The following COL19A1 variants were observed in gnomAD, a reference collection of about 807,000 sequenced individuals.
COL19A1 encodes collagen alpha-1(XIX) chain.
Under a neutral mutation model 190.2 loss-of-function variants are expected in COL19A1, and 159 were observed. The ratio of observed to expected loss-of-function variants is 0.84; its 90% CI spans 0.73 to 0.95. The LOEUF (loss-of-function observed/expected upper bound fraction) is 0.95, where lower values mean the gene tolerates loss of function less well. Among genes scored for constraint, COL19A1 ranks in the 40% least tolerant of loss-of-function variants. COL19A1 has a pLI of 0.00. For missense variants in COL19A1, 1,418 were observed against 1,431.9 expected (o/e 0.99, Z 0.16); for synonymous variants, 509 against 458.9 (o/e 1.11, Z -1.39).
rs73746878 is a variant in COL19A1 at position 70,152,570 on chromosome 6, A to C, written c.2079+1132A>C. Among the ~76,000 whole-genome samples the C allele has an allele frequency of 9.0e-3, 1,376 of 152,256 alleles. 21 individuals carry two copies. Among genetic ancestry groups the C allele is most frequent in the African/African-American group, 0.032 (1,313 of 41,576 alleles). On this transcript the variant is annotated intron_variant, in intron 31 of 50. Coordinates refer to ENST00000620364, the MANE Select transcript of COL19A1 (RefSeq NM_001858.6). ...CTTATATTTATTGAGTTAAAATTAC[A>C]TGCCACTCAATATGCCACTTTACTT... is the stretch of plus-strand genomic sequence containing the variant.
chr6:70,137,780 A>G, intron 19 of COL19A1, 33 bp downstream of exon 19: 2 of 1,603,668 alleles, frequency 1.2e-6, no homozygotes, highest in Non-Finnish European at 1.7e-6. Flanking sequence ...CAGAGGAAGA[A>G]TATCTAAAAA....
At chr6:70,178,330 C>T (rs979594409) in intron 42 of COL19A1, among the ~76,000 whole-genome samples, 3 of 152,058 alleles carry the variant, frequency 2.0e-5, no homozygotes, top group Non-Finnish European at 2.9e-5. Context: ...GAGCTGAGAT[C>T]GTGTCACTGC....
At chr6:70,020,607 C>G (rs1778363176) in intron 11 of COL19A1, among the ~76,000 whole-genome samples, 1 of 152,032 alleles carries the variant, frequency 6.6e-6, no homozygotes, top group South Asian at 2.1e-4. Flanking sequence ...TATATTCATG[C>G]TATATATCAG....
intron 14 of COL19A1, among the ~76,000 whole-genome samples, chr6:70,045,694 G>A (rs534926837): frequency 3.9e-5 from 6 of 152,232 alleles, no homozygotes; most frequent in Non-Finnish European, 5.9e-5. Context: ...GAGCTTATAC[G>A]CAGAATTTTG....
chr6:70,043,979 G>C (rs1045506787), intron 14 of COL19A1, among the ~76,000 whole-genome samples: 2 of 152,160 alleles, frequency 1.3e-5, no homozygotes, highest in Admixed American at 6.6e-5. Flanking sequence ...TTGAAAACTC[G>C]TTGCGTGGTG....
chr6:70,142,271 A>G (rs1405210202), intron 22 of COL19A1, among the ~76,000 whole-genome samples, 195 bp downstream of exon 22: 1 of 152,148 alleles, frequency 6.6e-6, no homozygotes, highest in African/African-American at 2.4e-5. Flanking sequence ...TTTTCACAAT[A>G]GGATTTCTAT....
intron 1 of COL19A1, chr6:69,867,473 C>G (rs1258577472): frequency 6.6e-6 from 1 of 152,544 alleles, no homozygotes; most frequent in Non-Finnish European, 1.5e-5. Context: ...GTCAGAGTCC[C>G]GAGGCCACCG....
chr6:70,075,720 G>A (rs925758744), intron 15 of COL19A1, among the ~76,000 whole-genome samples: 1 of 151,936 alleles, frequency 6.6e-6, no homozygotes, highest in Non-Finnish European at 1.5e-5. Flanking sequence ...TCTAACTAGT[G>A]GTCTCTGCAG....
intron 18 of COL19A1, 115 bp from the exon 19 acceptor site, chr6:70,137,570 G>A (rs565408531): frequency 5.4e-6 from 5 of 922,938 alleles, no homozygotes; most frequent in East Asian, 2.4e-5. Context: ...TCTGTTGGAT[G>A]CTAATAGATA....
intron 14 of COL19A1, among the ~76,000 whole-genome samples, chr6:70,057,603 GT>G (rs576644011): frequency 4.6e-5 from 7 of 151,912 alleles, no homozygotes; most frequent in Non-Finnish European, 1.0e-4. Context: ...TGTTCATGTT[GT>G]TTTTTCAGAA....
intron 18 of COL19A1, 128 bp from the exon 19 acceptor site, chr6:70,137,557 T>C (rs1785945976): frequency 1.2e-6 from 1 of 801,162 alleles, no homozygotes; most frequent in African/African-American, 1.7e-5. Context: ...GAACTTTGCA[T>C]TGTCTGTTGG....
At chr6:70,169,240 G>A (rs1765356946) in intron 40 of COL19A1, among the ~76,000 whole-genome samples, 1 of 152,164 alleles carries the variant, frequency 6.6e-6, no homozygotes, top group African/African-American at 2.4e-5. Context: ...ATTGTTCTCA[G>A]CATCTTTCTG....
At chr6:70,073,517 G>A (rs1781683160) in intron 15 of COL19A1, among the ~76,000 whole-genome samples, 1 of 152,098 alleles carries the variant, frequency 6.6e-6, no homozygotes, top group African/African-American at 2.4e-5. Context: ...ATTAGTACTT[G>A]ATTAAGGAGA....
In COL19A1 at chr6:70,068,464, A is replaced by G. The variant is rs1781374806; in HGVS notation, c.1212A>G (p.Lys404=). 6.3e-7 allele frequency: 1 copy of G among 1,597,264 alleles called. No homozygotes were observed. Among genetic ancestry groups the G allele is most frequent in the African/African-American group, 1.3e-5 (1 of 74,406 alleles). ...AAGGCCCCCAAGGTCCACCTGGAAA[A>G]GAGGGTCAGAGGGTAAGTAAAGCTG... ...GIQGPQGPPG[K]EGQRGRRGKT... is the part of the protein sequence containing the mutation. The change falls in exon 15 of 51, where the codon AAA becomes AAG. Residue 404 remains lysine (K), a synonymous_variant. Transcript: ENST00000620364.
rs545887214 is a variant in COL19A1, at chr6:69,964,262, G to A, written c.1026+1392G>A. ...CAGAACTCAGAAAGAAAAAAGAATG[G>A]CCTTATAATAACCATACTTTTGGAG... is the stretch of plus-strand genomic sequence containing the variant. On this transcript the variant is annotated intron_variant, in intron 11 of 50. Transcript: ENST00000620364. Among the ~76,000 whole-genome samples the A allele has an allele frequency of 5.3e-5, 8 of 152,212 alleles. No homozygotes were observed. In the South Asian group the frequency reaches 1.7e-3, roughly 32 times the overall value.
chr6:70,168,529 A>G lies in COL19A1; in HGVS notation c.2542-126A>G, dbSNP rs767617865. 5.9e-5 allele frequency: 46 copies of G among 774,566 alleles called. 1 individual carries two copies. The highest frequency in any genetic ancestry group is 8.8e-5 in the Non-Finnish European group (43 of 488,702). The allele number at this position is 774,566 out of a possible 1,614,324, so 48.0% of individuals were successfully genotyped here. ...TATTCATCTTATTCTTCAAATTCAA[A>G]CTGTAATTAAAGCAAAACTTGCTAA... On this transcript the variant is annotated intron_variant, in intron 39 of 50. Transcript: ENST00000620364.
rs112647589 is a variant in COL19A1 at position 69,869,554 on chromosome 6, G to GAA, written c.-33+2921_-33+2922dup. Among the ~76,000 whole-genome samples, 100 of 151,144 alleles carry GAA rather than the reference G, an allele frequency of 6.6e-4. 1 individual carries two copies. The highest frequency in any genetic ancestry group is 2.3e-3 in the African/African-American group (96 of 41,176). ...GAAAACCAGTAGAGCCCTTCAAATT[G>GAA]AAAAAAAATGGGAAAAAGGATGAAT... On this transcript the variant is annotated intron_variant, in intron 1 of 50. Coordinates refer to ENST00000620364, the MANE Select transcript of COL19A1 (RefSeq NM_001858.6).
intron 33 of COL19A1, 90 bp from the exon 34 acceptor site, chr6:70,156,580 T>C (rs1787454512): frequency 7.2e-7 from 1 of 1,384,202 alleles, no homozygotes; most frequent in Admixed American, 2.0e-5. Flanking sequence ...CCAAATTACA[T>C]GCCCCAAGTG....
Position 70,188,164 on chromosome 6 carries a change from G to A in COL19A1, c.2946G>A (p.Met982Ile), listed in dbSNP as rs1266201146. ...GCATGAAGGGGGCCATCGGTCCTAT[G>A]GGTCCACCAGGAAACAAGGGCTCCA... Reference protein sequence around the residue: ...LTGMKGAIGPMGPPGNKGSMG... With the variant: ...LTGMKGAIGPIGPPGNKGSMG... Residue 982 changes from methionine to isoleucine, a missense_variant, in exon 47 of 51, where the codon ATG becomes ATA. Physicochemically the swap from Met to Ile is conservative, Grantham distance 10 (BLOSUM62 1). Transcript: ENST00000620364. 1.2e-6 allele frequency: 2 copies of A among 1,613,860 alleles called. No individual in the cohort carries two copies. Among genetic ancestry groups the A allele is most frequent in the Non-Finnish European group, 8.5e-7 (1 of 1,179,922 alleles).
Sources: allele counts gnomAD v4.1 joint callset (sites outside exome capture counted in the v4.1 genomes callset), GRCh38; gene constraint gnomAD v4.1.1; transcripts MANE v1.5; gene names NCBI Gene and HGNC (gene_info 2026-07-23, HGNC 2026-07-21).